LGI1: variants seen among roughly 807,000 people sequenced by gnomAD.
LGI1 encodes the protein leucine-rich glioma-inactivated protein 1.
LGI1 carries 11 observed loss-of-function variants against 57.7 expected under a neutral mutation model. That is an observed-to-expected ratio of 0.19 (90% CI 0.12 to 0.32). The LOEUF is 0.32. Among genes scored for constraint, LGI1 ranks in the 10% least tolerant of loss-of-function variants. LGI1 has a pLI of 1.00. For missense variants in LGI1, 422 were observed against 661.9 expected (o/e 0.64, Z 3.98); for synonymous variants, 222 against 241.9 (o/e 0.92, Z 0.76).
chr10:93,792,873 AAT>A lies in LGI1; in HGVS notation c.636_637del (p.Asn212LysfsTer8). On this transcript the variant is annotated frameshift_variant, in exon 6 of 8. Transcript: ENST00000371418. LOFTEE classifies it high-confidence loss of function. ...CCCAGAATACAAGAAGCGCAAAATCAATAGTCTCTCCTCGAAGGATTTTGATT... is the reference window on the plus strand; with the variant it reads ...CCCAGAATACAAGAAGCGCAAAATCAAGTCTCTCCTCGAAGGATTTTGATT... ...GPPEYKKRKI[N>X]SLSSKDFDCI... 1 of 1,614,156 alleles carries A rather than the reference AAT, an allele frequency of 6.2e-7. No individual in the cohort carries two copies. Among genetic ancestry groups the A allele is most frequent in the Non-Finnish European group, 8.5e-7 (1 of 1,180,006 alleles).
At chr10:93,780,481 G>C (rs1029900050) in intron 4 of LGI1, 1 of 152,150 alleles carries the variant, frequency 6.6e-6, no homozygotes, top group African/African-American at 2.4e-5. Context: ...AAACATTCAA[G>C]CTGTGAGGAA....
chr10:93,794,960 A>C (rs2059967604), intron 7 of LGI1: 1 of 151,426 alleles, frequency 6.6e-6, no homozygotes, highest in Non-Finnish European at 1.5e-5. Flanking sequence ...TCCCTTCCAA[A>C]CTGAGACCCT....
Position 93,794,344 on chromosome 10 carries a change from T to A in LGI1, c.838+994T>A, listed in dbSNP as rs962628681. Among the ~76,000 whole-genome samples the A allele has an allele frequency of 4.0e-5, 6 of 149,234 alleles. No homozygotes were observed. The South Asian group carries it at 1.3e-3, about 32-fold the overall frequency. ...AATCTAATTCTTTCTATGAAAACTTTTACTTATCTGGATCTCTCTTTTTTT... is the reference window on the plus strand; with the variant it reads ...AATCTAATTCTTTCTATGAAAACTTATACTTATCTGGATCTCTCTTTTTTT... On this transcript the variant is annotated intron_variant, in intron 7 of 7. Transcript: ENST00000371418.
chr10:93,784,485 C>G (rs1334103350), intron 4 of LGI1, among the ~76,000 whole-genome samples: 3 of 152,184 alleles, frequency 2.0e-5, no homozygotes, highest in Non-Finnish European at 4.4e-5. Context: ...ACTCAGATAT[C>G]CACTTCCCTG....
chr10:93,758,571 T>C lies in LGI1; in HGVS notation c.216-189T>C. 1 of 690,706 alleles carries C rather than the reference T, an allele frequency of 1.4e-6. No individual in the cohort carries two copies. Among genetic ancestry groups the C allele is most frequent in the Non-Finnish European group, 2.5e-6 (1 of 401,162 alleles). The allele number at this position is 690,706 out of a possible 1,614,324, so 42.8% of individuals were successfully genotyped here. A position where few individuals can be genotyped will look rare whatever the true frequency, so the allele number is the denominator to read the frequency against. ...CTTAGATACCCCCAGCCCTGAACAT[T>C]ATCATGAGAAACCTGTAGCCGATTC... On this transcript the variant is annotated intron_variant, in intron 1 of 7. Coordinates refer to ENST00000371418, the MANE Select transcript of LGI1 (RefSeq NM_005097.4). The surrounding 1 kb of genome is among the most constrained non-coding windows in gnomAD (Gnocchi z 4.7).
Position 93,795,879 on chromosome 10 carries a change from G to A in LGI1, c.839-1089G>A, listed in dbSNP as rs1589774945. Among the ~76,000 whole-genome samples, 3 of 152,360 alleles carry A rather than the reference G, an allele frequency of 2.0e-5. No individual in the cohort carries two copies. In the South Asian group the frequency reaches 6.2e-4, roughly 32 times the overall value. ...CATACAATCAGTTTAGCCCTGAAAA[G>A]AGTCAGAAATAAAACTATTTTGCCT... On this transcript the variant is annotated intron_variant, in intron 7 of 7. Transcript: ENST00000371418.
At chr10:93,782,750 G>A (rs1268311382) in intron 4 of LGI1, 1 of 152,242 alleles carries the variant, frequency 6.6e-6, no homozygotes, top group African/African-American at 2.4e-5. Context: ...CAGGTTCAGA[G>A]AGACACAAAC....
chr10:93,797,447 G>C lies in LGI1; in HGVS notation c.1318G>C (p.Val440Leu). 6.2e-7 allele frequency: 1 copy of C among 1,614,236 alleles called. No individual in the cohort carries two copies. The highest frequency in any genetic ancestry group is 8.5e-7 in the Non-Finnish European group (1 of 1,180,042). Residue 440 changes from valine to leucine, a missense_variant, in exon 8 of 8, where the codon GTG becomes CTG. This residue lies in a region of LGI1 where 301 missense variants were observed against 461.7 expected (regional missense o/e 0.65). Transcript: ENST00000371418. This position sits in a 1 kb window ranked among gnomAD's most constrained non-coding sequence, Gnocchi z 6.5. ...TGTGTACGCAGTGAAGCACTTCTCAGTGAAAGGGGACGTGTACATTTGCTT... is the reference window on the plus strand; with the variant it reads ...TGTGTACGCAGTGAAGCACTTCTCACTGAAAGGGGACGTGTACATTTGCTT... ...EDVYAVKHFS[V>L]KGDVYICLTR...
At chr10:93,776,827 T>C (rs996069391) in intron 2 of LGI1, 3 of 163,900 alleles carry the variant, frequency 1.8e-5, no homozygotes, top group African/African-American at 7.2e-5. Context: ...CTAAGACTCT[T>C]CCCAAACCTC....
rs2059582207 is a variant in LGI1 at position 93,758,009 on chromosome 10, G to T, written c.-136G>T. On this transcript the variant is annotated 5_prime_UTR_variant, in exon 1 of 8. Coordinates refer to ENST00000371418, the MANE Select transcript of LGI1 (RefSeq NM_005097.4). This position sits in a 1 kb window ranked among gnomAD's most constrained non-coding sequence, Gnocchi z 4.7. The stretch of plus-strand genomic sequence containing the variant: ...GGAGAAGCTCACGAATCAGCTGCAG[G>T]TCTCTGTTTTGAAAAAGCAGAGATA... 3 of 770,702 alleles carry T rather than the reference G, an allele frequency of 3.9e-6. No individual in the cohort carries two copies. In the Admixed American group the frequency reaches 6.0e-5, roughly 16 times the overall value. 47.7% of individuals were successfully genotyped at this position (770,702 alleles called of 1,614,324 possible).
intron 2 of LGI1, among the ~76,000 whole-genome samples, chr10:93,775,489 C>T (rs1470592047): frequency 1.3e-5 from 2 of 152,168 alleles, no homozygotes; most frequent in Non-Finnish European, 2.9e-5. Context: ...AGGGCAAATT[C>T]CTGCTGTAAG....
intron 4 of LGI1, among the ~76,000 whole-genome samples, chr10:93,781,890 T>A (rs1176162538): frequency 6.6e-6 from 1 of 152,190 alleles, no homozygotes; most frequent in South Asian, 2.1e-4. Flanking sequence ...TTATCATCAA[T>A]CTATATGTAT....
At chr10:93,780,096 T>C (rs1169315154) in intron 4 of LGI1, among the ~76,000 whole-genome samples, 1 of 152,218 alleles carries the variant, frequency 6.6e-6, no homozygotes, top group Non-Finnish European at 1.5e-5. Flanking sequence ...TTAGAGAAGC[T>C]CAGGCTAGCA....
chr10:93,759,568 G>A (rs886434085), intron 2 of LGI1, among the ~76,000 whole-genome samples: 7 of 152,142 alleles, frequency 4.6e-5, no homozygotes, highest in Non-Finnish European at 1.0e-4. Flanking sequence ...GGCAATTGGA[G>A]TCCTAGTCCT....
intron 2 of LGI1, chr10:93,764,301 G>T (rs1278204180): frequency 2.0e-5 from 3 of 152,206 alleles, no homozygotes; most frequent in Non-Finnish European, 4.4e-5. Flanking sequence ...GCCCACGCTG[G>T]TCTCGAACTC....
At chr10:93,763,246 G>T (rs1246938654) in intron 2 of LGI1, 1 of 152,034 alleles carries the variant, frequency 6.6e-6, no homozygotes, top group East Asian at 1.9e-4. Context: ...TTTGTCCAAG[G>T]TTATCACTCA....
chr10:93,765,619 C>T (rs778759748), intron 2 of LGI1: 1 of 152,190 alleles, frequency 6.6e-6, no homozygotes, highest in South Asian at 2.1e-4. Context: ...TCTTAAAATT[C>T]TGTTGTATTC....
rs769008350 is a variant in LGI1 at position 93,777,382 on chromosome 10, A to G, written c.291A>G (p.Leu97=). 6.2e-7 allele frequency: 1 copy of G among 1,613,434 alleles called. No homozygotes were observed. The highest frequency in any genetic ancestry group is 1.1e-5 in the South Asian group (1 of 91,062). The change falls in exon 3 of 8, where the codon TTA becomes TTG. Residue 97 remains leucine (L), a synonymous_variant. Coordinates refer to ENST00000371418, the MANE Select transcript of LGI1 (RefSeq NM_005097.4). ...ATTGTGTACTTTTTCTGGGCAGGTT[A>G]TTCACATCGAACTCCTTTGATGTGA... ...FLFTPSLQLL[L]FTSNSFDVIS...
Position 93,797,764 on chromosome 10 carries a change from A to G in LGI1, c.1635A>G (p.Thr545=). 6.2e-7 allele frequency: 1 copy of G among 1,605,552 alleles called. No homozygotes were observed. The highest frequency in any genetic ancestry group is 2.2e-5 in the East Asian group (1 of 44,882). The change falls in exon 8 of 8, where the codon ACA becomes ACG. Residue 545 remains threonine, a synonymous_variant. Transcript: ENST00000371418. The surrounding 1 kb of genome is among the most constrained non-coding windows in gnomAD (Gnocchi z 6.5). ...FLFASSFKGN[T]QIYKHVIVDL... The stretch of plus-strand genomic sequence containing the variant: ...TTGCTTCCAGTTTTAAGGGAAATAC[A>G]CAGATTTACAAACATGTCATAGTTG...
Sources: allele counts gnomAD v4.1 joint callset (sites outside exome capture counted in the v4.1 genomes callset), GRCh38; gene constraint gnomAD v4.1.1; regional missense constraint gnomAD v4.1.1; non-coding constraint Gnocchi (gnomAD v3.1); transcripts MANE v1.5; gene names NCBI Gene and HGNC (gene_info 2026-07-23, HGNC 2026-07-21).